The following AKAP7 variants were observed in gnomAD, a reference collection of about 807,000 sequenced individuals.
The protein encoded by AKAP7 is A kinase (PRKA) anchor protein 7.
AKAP7 carries 39 observed loss-of-function variants against 39.5 expected under a neutral mutation model. The observed-to-expected ratio is 0.99, with a 90% CI of 0.76 to 1.29. The LOEUF (loss-of-function observed/expected upper bound fraction) is 1.29. Ranked by LOEUF, AKAP7 falls within the 50% of genes most tolerant of loss-of-function variation. AKAP7 has a pLI of 0.00. For synonymous variants in AKAP7, 140 were observed against 139.1 expected (o/e 1.01, Z -0.05); for missense variants, 414 against 407.7 (o/e 1.02, Z -0.13).
At chr6:131,235,629 T>G (rs1300250084) in intron 7 of AKAP7, among the ~76,000 whole-genome samples, 1 of 152,230 alleles carries the variant, frequency 6.6e-6, no homozygotes, top group Non-Finnish European at 1.5e-5. Flanking sequence ...TATCTCATTG[T>G]GGTTTTTATT....
intron 7 of AKAP7, among the ~76,000 whole-genome samples, chr6:131,260,944 C>G (rs570700665): frequency 2.0e-5 from 3 of 152,072 alleles, no homozygotes; most frequent in African/African-American, 7.2e-5. Flanking sequence ...TGACTGTAAT[C>G]CCAGCACTTT....
chr6:131,196,389 C>T lies in AKAP7; in HGVS notation c.590-3072C>T, dbSNP rs575477914. Among the ~76,000 whole-genome samples the T allele has an allele frequency of 2.3e-3, 343 of 151,948 alleles. 1 individual carries two copies. The highest frequency in any genetic ancestry group is 0.017 in the Middle Eastern group (5 of 294). On this transcript the variant is annotated intron_variant, in intron 5 of 7. Transcript: ENST00000431975. ...TAAGCGATTTTCCTTCCTCTGCCTCCTGAATAGCTGGGATTACAGGCACGC... is the reference window on the plus strand; with the variant it reads ...TAAGCGATTTTCCTTCCTCTGCCTCTTGAATAGCTGGGATTACAGGCACGC...
chr6:131,218,888 G>A (rs764739889), intron 6 of AKAP7, among the ~76,000 whole-genome samples: 4 of 151,836 alleles, frequency 2.6e-5, no homozygotes, highest in Admixed American at 6.6e-5. Flanking sequence ...ATCTTATTAG[G>A]GCATTTTTTC....
upstream of AKAP7, among the ~76,000 whole-genome samples, chr6:131,132,261 C>G (rs545291569): frequency 4.6e-5 from 7 of 151,058 alleles, no homozygotes; most frequent in South Asian, 8.4e-4. Context: ...TGCAGTGAGC[C>G]GAGATTGCGC....
chr6:131,187,307 G>A (rs1333219711), intron 5 of AKAP7, among the ~76,000 whole-genome samples: 1 of 151,974 alleles, frequency 6.6e-6, no homozygotes, highest in African/African-American at 2.4e-5. Flanking sequence ...TTTTAGCAAT[G>A]TTTCATAGTT....
chr6:131,209,018 G>T (rs1157619240), intron 6 of AKAP7, among the ~76,000 whole-genome samples: 1 of 152,196 alleles, frequency 6.6e-6, no homozygotes, highest in East Asian at 1.9e-4. Flanking sequence ...TACACCACAG[G>T]TGGGGCAGAA....
chr6:131,215,452 C>T lies in AKAP7; in HGVS notation c.703-4209C>T, dbSNP rs564968946. ...TCTTTCCCTCCCTGTCAAGAACAGG[C>T]TGGGGTGGAACTGAGCCTCCTCCTG... On this transcript the variant is annotated intron_variant, in intron 6 of 7. Transcript: ENST00000431975. 6.6e-5 allele frequency among the ~76,000 whole-genome samples: 10 copies of T among 152,352 alleles called. No individual in the cohort carries two copies. The East Asian group carries it at 1.9e-3, about 29-fold the overall frequency.
At chr6:131,160,333 A>G in intron 3 of AKAP7, 135 bp downstream of exon 3, 1 of 863,012 alleles carries the variant, frequency 1.2e-6, no homozygotes, top group Non-Finnish European at 1.8e-6. Context: ...TCCAGGGAAT[A>G]TTTCTGTTTA....
At chr6:131,250,100 TC>T in intron 7 of AKAP7, 2 of 897,604 alleles carry the variant, frequency 2.2e-6, no homozygotes, top group Non-Finnish European at 2.7e-6. Context: ...AGAAGGCTCT[TC>T]CTCTTTAAGT....
chr6:131,137,021 G>A (rs1012635529), intron 1 of AKAP7, among the ~76,000 whole-genome samples: 2 of 152,190 alleles, frequency 1.3e-5, no homozygotes, highest in African/African-American at 2.4e-5. Flanking sequence ...AAGTGCACTG[G>A]CGCGATCATG....
Position 131,219,653 on chromosome 6 carries a change from A to C in AKAP7, c.703-8A>C. ...GATTGATTGATTGATTTGTTTTTTC[A>C]TTTCAAGGGAGTGAAAAAAATAGAT... is the stretch of plus-strand genomic sequence containing the variant. On this transcript the variant is annotated splice_region_variant and splice_polypyrimidine_tract_variant and intron_variant, in intron 6 of 7. Coordinates refer to ENST00000431975, the MANE Select transcript of AKAP7 (RefSeq NM_016377.4). 1 of 1,587,106 alleles carries C rather than the reference A, an allele frequency of 6.3e-7. No homozygotes were observed. Among genetic ancestry groups the C allele is most frequent in the Non-Finnish European group, 8.6e-7 (1 of 1,168,322 alleles).
At position 131,281,388 on chromosome 6, in the gene AKAP7, G is replaced by T; in HGVS notation, c.851-142G>T. On this transcript the variant is annotated intron_variant, in intron 7 of 7. Transcript: ENST00000431975. The surrounding 1 kb of genome is among the most constrained non-coding windows in gnomAD (Gnocchi z 4.0). ...GCTCCTGCTTCTGCAAATACCAAAT[G>T]AAAAGCCAACCCACTGTTCTTGAAT... 1 of 611,502 alleles carries T rather than the reference G, an allele frequency of 1.6e-6. No homozygotes were observed. The allele number at this position is 611,502 out of a possible 1,614,324, so 37.9% of individuals were successfully genotyped here.
chr6:131,279,840 TA>T (rs1159502818), intron 7 of AKAP7, among the ~76,000 whole-genome samples: 1 of 152,204 alleles, frequency 6.6e-6, no homozygotes, highest in Non-Finnish European at 1.5e-5. Context: ...GGAGGGTACT[TA>T]AAAAGTATTC....
intron 7 of AKAP7, among the ~76,000 whole-genome samples, chr6:131,223,745 C>G (rs971887669): frequency 3.9e-4 from 60 of 152,142 alleles, no homozygotes; most frequent in African/African-American, 1.3e-3. Flanking sequence ...CATTACCTTT[C>G]TCATTCCTGT....
At chr6:131,254,304 A>G (rs929771345) in intron 7 of AKAP7, among the ~76,000 whole-genome samples, 1 of 152,186 alleles carries the variant, frequency 6.6e-6, no homozygotes. Flanking sequence ...GACTACTTAT[A>G]TAGAACTTGA....
intron 7 of AKAP7, among the ~76,000 whole-genome samples, chr6:131,220,172 T>C (rs372224831): frequency 1.8e-3 from 274 of 152,330 alleles, no homozygotes; most frequent in African/African-American, 6.3e-3. Context: ...TATTTGCTGC[T>C]TGTAATTACG....
At chr6:131,179,660 C>G (rs552145914) in intron 5 of AKAP7, among the ~76,000 whole-genome samples, 2 of 152,142 alleles carry the variant, frequency 1.3e-5, no homozygotes, top group African/African-American at 4.8e-5. Flanking sequence ...TTGAGCTCAG[C>G]GGTTTAAGAC....
rs575860171 is a variant in AKAP7 at position 131,270,019 on chromosome 6, G to A, written c.851-11511G>A. Among the ~76,000 whole-genome samples, 145 of 152,282 alleles carry A rather than the reference G, an allele frequency of 9.5e-4. 2 individuals are homozygous for A. The highest frequency in any genetic ancestry group is 3.3e-3 in the African/African-American group (139 of 41,558). On this transcript the variant is annotated intron_variant, in intron 7 of 7. Transcript: ENST00000431975. The stretch of plus-strand genomic sequence containing the variant: ...ACTAGTCCATTCATCAGGTTCACAG[G>A]TTGACCCCAATAGAGGCTGAACTTG...
At chr6:131,236,258 G>A (rs1402640524) in intron 7 of AKAP7, among the ~76,000 whole-genome samples, 12 of 152,066 alleles carry the variant, frequency 7.9e-5, no homozygotes, top group African/African-American at 2.4e-4. Context: ...TGTTCCATTG[G>A]TCTATATCTC....
Sources: allele counts gnomAD v4.1 joint callset (sites outside exome capture counted in the v4.1 genomes callset), GRCh38; gene constraint gnomAD v4.1.1; non-coding constraint Gnocchi (gnomAD v3.1); transcripts MANE v1.5; gene names NCBI Gene and HGNC (gene_info 2026-07-23, HGNC 2026-07-21).